PDS5A: variants seen among roughly 807,000 people sequenced by gnomAD.
PDS5A encodes sister chromatid cohesion protein PDS5 homolog A.
PDS5A carries 42 observed loss-of-function variants against 167.1 expected under a neutral mutation model. The ratio of observed to expected loss-of-function variants is 0.25; its 90% confidence interval spans 0.20 to 0.33. PDS5A has a LOEUF of 0.33. Among genes scored for constraint, PDS5A ranks in the 10% least tolerant of loss-of-function variants. The probability of loss-of-function intolerance (pLI) is 1.00; values close to 1 mark genes in which losing one functional copy is unlikely to be tolerated. For synonymous variants in PDS5A, 553 were observed against 554.6 expected (o/e 1.00, Z 0.04); for missense variants, 1,033 against 1,605.9 (o/e 0.64, Z 6.10).
At chr4:39,970,592 C>CTA (rs142472284) in intron 2 of PDS5A, among the ~76,000 whole-genome samples, 5,809 of 151,800 alleles carry the variant, frequency 0.038, 148 homozygotes, top group Middle Eastern at 0.065. Context: ...AAGAAAGCAA[C>CTA]TATATAACAA....
At chr4:39,954,354 T>C (rs1728706003) in intron 2 of PDS5A, among the ~76,000 whole-genome samples, 1 of 152,016 alleles carries the variant, frequency 6.6e-6, no homozygotes, top group South Asian at 2.1e-4. Flanking sequence ...AGCGAGACCC[T>C]GTCTCTTAAA....
intron 7 of PDS5A, among the ~76,000 whole-genome samples, chr4:39,917,909 G>A (rs1010988909): frequency 2.8e-5 from 4 of 145,388 alleles, no homozygotes; most frequent in Admixed American, 1.4e-4. Flanking sequence ...CAAAGGCACA[G>A]CAGCACACGC....
At position 39,877,150 on chromosome 4, in the gene PDS5A, G is replaced by A. The variant is rs1230099306; in HGVS notation, c.1996C>T (p.Leu666=). ...IRSGLELLKV[L]SFTHPTSFHS... Reference sequence around the variant, plus strand: ...AACGAGGTAGGATGTGTAAAAGACAGAACCTGAAAAAACAGATACAGCTTT... The same window carrying A: ...AACGAGGTAGGATGTGTAAAAGACAAAACCTGAAAAAACAGATACAGCTTT... Residue 666 remains leucine, a synonymous_variant, in exon 19 of 33, where the codon CTG becomes TTG. Coordinates refer to ENST00000303538, the MANE Select transcript of PDS5A (RefSeq NM_001100399.2). 1 of 1,545,850 alleles carries A rather than the reference G, an allele frequency of 6.5e-7. No individual in the cohort carries two copies. Among genetic ancestry groups the A allele is most frequent in the Non-Finnish European group, 8.7e-7 (1 of 1,145,122 alleles).
chr4:39,973,744 G>A, intron 2 of PDS5A: 1 of 1,290,884 alleles, frequency 7.7e-7, no homozygotes, highest in Non-Finnish European at 1.1e-6. Flanking sequence ...AATGGCAAGT[G>A]TACGAGCTGT....
In PDS5A at chr4:39,893,969, G is replaced by A. The variant is rs1419584393; in HGVS notation, c.1771-3605C>T. Among the ~76,000 whole-genome samples the A allele has an allele frequency of 3.3e-5, 5 of 152,268 alleles. No individual in the cohort carries two copies. The East Asian group carries it at 7.7e-4, about 23-fold the overall frequency. On this transcript the variant is annotated intron_variant, in intron 16 of 32. Coordinates refer to ENST00000303538, the MANE Select transcript of PDS5A (RefSeq NM_001100399.2). ...TGGGATTACAACAGTGAGCCACCGCGCCCAGCCTTTTCAAGCTATTTCATT... is the reference window on the plus strand; with the variant it reads ...TGGGATTACAACAGTGAGCCACCGCACCCAGCCTTTTCAAGCTATTTCATT...
intron 30 of PDS5A, 99 bp downstream of exon 30, chr4:39,844,557 G>T: frequency 1.2e-6 from 1 of 810,470 alleles, no homozygotes; most frequent in Non-Finnish European, 2.0e-6. Context: ...CCAGAACACC[G>T]CTAATGACAG....
intron 2 of PDS5A, among the ~76,000 whole-genome samples, chr4:39,966,353 G>A (rs753618743): frequency 2.6e-5 from 4 of 152,154 alleles, no homozygotes; most frequent in African/African-American, 7.2e-5. Context: ...AATTATGGCC[G>A]TCCTGCCCTT....
chr4:39,949,003 A>C (rs1728063287), intron 2 of PDS5A, among the ~76,000 whole-genome samples: 1 of 152,090 alleles, frequency 6.6e-6, no homozygotes, highest in Non-Finnish European at 1.5e-5. Flanking sequence ...TCTGGCCATA[A>C]AAGGTATAAT....
At chr4:39,866,773 CA>C in intron 23 of PDS5A, 87 bp downstream of exon 23, 1 of 1,111,570 alleles carries the variant, frequency 9.0e-7, no homozygotes, top group Admixed American at 2.4e-5. Context: ...GTAATTACAC[CA>C]TTCAGTATTC....
At chr4:39,954,070 G>C (rs1197565099) in intron 2 of PDS5A, among the ~76,000 whole-genome samples, 1 of 152,128 alleles carries the variant, frequency 6.6e-6, no homozygotes, top group African/African-American at 2.4e-5. Context: ...GCAGGGCATG[G>C]TGGCCCACGC....
At chr4:39,955,525 G>A (rs530764129) in intron 2 of PDS5A, among the ~76,000 whole-genome samples, 11 of 151,984 alleles carry the variant, frequency 7.2e-5, no homozygotes, top group Non-Finnish European at 1.6e-4. Context: ...GCTTGAACCC[G>A]GGGGAGCGGA....
At chr4:39,873,178 G>C in intron 20 of PDS5A, 34 bp from the exon 21 acceptor site, 1 of 1,366,168 alleles carries the variant, frequency 7.3e-7, no homozygotes, top group Middle Eastern at 1.9e-4. Context: ...TTACCAATTT[G>C]TTTGATAAAT....
At position 39,977,357 on chromosome 4, in the gene PDS5A, C is replaced by A; in HGVS notation, c.-41+100G>T. The A allele has an allele frequency of 6.6e-6, 1 of 152,050 alleles. No individual in the cohort carries two copies. The highest frequency in any genetic ancestry group is 1.5e-5 in the Non-Finnish European group (1 of 67,954). The allele number at this position is 152,050 out of a possible 1,614,324, so 9.4% of individuals were successfully genotyped here. On this transcript the variant is annotated intron_variant, in intron 1 of 32. Transcript: ENST00000303538. The surrounding 1 kb of genome is among the most constrained non-coding windows in gnomAD (Gnocchi z 4.2). ...AGGCCTTCCCGGCACCCTCGGGCGGCCCCACCGGGCCTCGGACCCGCGGCC... is the reference window on the plus strand; with the variant it reads ...AGGCCTTCCCGGCACCCTCGGGCGGACCCACCGGGCCTCGGACCCGCGGCC...
intron 9 of PDS5A, among the ~76,000 whole-genome samples, chr4:39,912,633 T>A (rs187415722): frequency 6.6e-6 from 1 of 152,304 alleles, no homozygotes; most frequent in Admixed American, 6.5e-5. Flanking sequence ...CACCAACTAC[T>A]GAATCAGTTG....
At chr4:39,892,317 G>A (rs1560459787) in intron 16 of PDS5A, among the ~76,000 whole-genome samples, 2 of 152,108 alleles carry the variant, frequency 1.3e-5, no homozygotes, top group Non-Finnish European at 2.9e-5. Flanking sequence ...TCCAAGTGAT[G>A]TAATTGTGCT....
Position 39,863,005 on chromosome 4 carries a change from G to C in PDS5A, c.2835C>G (p.Leu945=). The C allele has an allele frequency of 6.2e-7, 1 of 1,613,508 alleles. No homozygotes were observed. The highest frequency in any genetic ancestry group is 2.2e-5 in the East Asian group (1 of 44,870). ...CAAAGATCGCCATATACTCCAATGG[G>C]AGCAGTAACTTCACAAGTGCCTTAT... ...KLHKALVKLL[L]PLEYMAIFAL... Residue 945 remains leucine, a synonymous_variant, in exon 25 of 33, where the codon CTC becomes CTG. Coordinates refer to ENST00000303538, the MANE Select transcript of PDS5A (RefSeq NM_001100399.2).
chr4:39,833,439 T>C (rs1716109572), intron 32 of PDS5A, among the ~76,000 whole-genome samples: 1 of 152,044 alleles, frequency 6.6e-6, no homozygotes, highest in African/African-American at 2.4e-5. Context: ...TAGGGTGCAG[T>C]GAGGAGTGGC....
chr4:39,952,875 C>T (rs1186944486), intron 2 of PDS5A, among the ~76,000 whole-genome samples: 1 of 152,014 alleles, frequency 6.6e-6, no homozygotes, highest in Non-Finnish European at 1.5e-5. Flanking sequence ...ATTACAAGTG[C>T]CCACCACCAT....
chr4:39,911,374 C>T (rs1192353707), intron 9 of PDS5A, among the ~76,000 whole-genome samples: 1 of 145,010 alleles, frequency 6.9e-6, no homozygotes, highest in East Asian at 2.1e-4. Flanking sequence ...CCAGCCTGGG[C>T]GATGAAGTAA....
Sources: allele counts gnomAD v4.1 joint callset (sites outside exome capture counted in the v4.1 genomes callset), GRCh38; gene constraint gnomAD v4.1.1; non-coding constraint Gnocchi (gnomAD v3.1); transcripts MANE v1.5; gene names NCBI Gene and HGNC (gene_info 2026-07-23, HGNC 2026-07-21).